CRB1: variants seen among roughly 807,000 people sequenced by gnomAD.
The protein encoded by CRB1 is protein crumbs homolog 1.
Under a neutral mutation model 120.0 loss-of-function variants are expected in CRB1, and 83 were observed. That is an observed-to-expected ratio of 0.69 (90% CI 0.58 to 0.83). The LOEUF (loss-of-function observed/expected upper bound fraction) is 0.83. Ranked by LOEUF, CRB1 falls within the 40% of genes least tolerant of loss-of-function variation. The pLI is 0.00. For missense variants in CRB1, 1,699 were observed against 1,687.6 expected (o/e 1.01, Z -0.12); for synonymous variants, 625 against 612.5 (o/e 1.02, Z -0.30).
chr1:197,331,753 G>A (rs1256428549), intron 2 of CRB1, among the ~76,000 whole-genome samples: 1 of 152,082 alleles, frequency 6.6e-6, no homozygotes, highest in Non-Finnish European at 1.5e-5. Context: ...ATAGTATTGT[G>A]TAATAGTCTT....
chr1:197,395,743 A>G (rs1182368901), intron 5 of CRB1, among the ~76,000 whole-genome samples: 3 of 152,152 alleles, frequency 2.0e-5, no homozygotes, highest in South Asian at 2.1e-4. Context: ...CAAAGAAGGA[A>G]ATCTATGTGA....
rs368505836 is a variant in CRB1 at position 197,408,756 on chromosome 1, C to T, written c.1172-12244C>T. Among the ~76,000 whole-genome samples the T allele has an allele frequency of 1.6e-4, 24 of 152,314 alleles. 1 individual carries two copies. The East Asian group carries it at 3.3e-3, about 21-fold the overall frequency. ...GGACCAAGCAAGAGCAGAGCCCTTT[C>T]TGATGATTTACTGATCAAAGCCAAT... On this transcript the variant is annotated intron_variant, in intron 5 of 11. Transcript: ENST00000367400.
At chr1:197,321,084 A>G (rs879317225) in intron 1 of CRB1, among the ~76,000 whole-genome samples, 3 of 152,186 alleles carry the variant, frequency 2.0e-5, no homozygotes, top group Admixed American at 1.3e-4. Context: ...TTCATTACGT[A>G]ATCACTTGCC....
At chr1:197,252,572 A>ATGTGTGTG in the CRB1 span, among the ~76,000 whole-genome samples, 3 of 48,600 alleles carry the variant, frequency 6.2e-5, no homozygotes, top group African/African-American at 1.9e-4. Flanking sequence ...ATATATATAT[A>ATGTGTGTG]TATATATATA....
chr1:197,304,376 A>G (rs866610493), intron 1 of CRB1: 2 of 980,490 alleles, frequency 2.0e-6, no homozygotes, highest in African/African-American at 3.5e-5. Flanking sequence ...TCTAGGGAGG[A>G]CACATCTATG....
the CRB1 span, among the ~76,000 whole-genome samples, chr1:197,249,423 G>C: frequency 6.6e-6 from 1 of 151,852 alleles, no homozygotes; most frequent in Non-Finnish European, 1.5e-5. Context: ...GCAGGCTCTT[G>C]GACATTTCTG....
At chr1:197,403,556 C>A (rs1349288310) in intron 5 of CRB1, among the ~76,000 whole-genome samples, 1 of 152,024 alleles carries the variant, frequency 6.6e-6, no homozygotes, top group African/African-American at 2.4e-5. Context: ...AAACTTTGAC[C>A]AGTGAAGTGA....
chr1:197,208,245 G>C, the CRB1 span, among the ~76,000 whole-genome samples: 1 of 151,906 alleles, frequency 6.6e-6, no homozygotes, highest in Non-Finnish European at 1.5e-5. Context: ...TTCTTGGTTT[G>C]GATCCATTGA....
At chr1:197,358,987 T>C (rs1283338813) in intron 5 of CRB1, among the ~76,000 whole-genome samples, 2 of 152,240 alleles carry the variant, frequency 1.3e-5, no homozygotes, top group African/African-American at 4.8e-5. Flanking sequence ...TCCTGCCTAC[T>C]ATGTCACATA....
At chr1:197,326,547 C>A (rs940290589) in intron 1 of CRB1, among the ~76,000 whole-genome samples, 10 of 152,100 alleles carry the variant, frequency 6.6e-5, no homozygotes, top group African/African-American at 2.4e-4. Context: ...AGGAGAATCA[C>A]TTGAGCCTGG....
At chr1:197,456,034 A>T (rs1022000537) in intron 11 of CRB1, among the ~76,000 whole-genome samples, 9 of 152,156 alleles carry the variant, frequency 5.9e-5, no homozygotes, top group Non-Finnish European at 1.3e-4. Flanking sequence ...ATGTATTTTA[A>T]TTTAGTTTCA....
chr1:197,230,986 G>A, the CRB1 span, among the ~76,000 whole-genome samples: 1 of 152,074 alleles, frequency 6.6e-6, no homozygotes, highest in Non-Finnish European at 1.5e-5. Flanking sequence ...TCAAATATAA[G>A]GCACAGTGTT....
At chr1:197,374,267 C>T (rs962714206) in intron 5 of CRB1, among the ~76,000 whole-genome samples, 1 of 152,076 alleles carries the variant, frequency 6.6e-6, no homozygotes, top group African/African-American at 2.4e-5. Context: ...ACCATACTAT[C>T]CCCCAGTTGG....
chr1:197,390,182 G>C (rs188998971), intron 5 of CRB1, among the ~76,000 whole-genome samples: 1 of 151,244 alleles, frequency 6.6e-6, no homozygotes, highest in Non-Finnish European at 1.5e-5. Context: ...TGTTTGTGTG[G>C]GGGGGAGGGG....
At chr1:197,235,723 T>C in the CRB1 span, among the ~76,000 whole-genome samples, 1 of 152,206 alleles carries the variant, frequency 6.6e-6, no homozygotes. Context: ...ACCTAAGTTT[T>C]AGAGTGGTTT....
At chr1:197,475,807 T>C (rs1667171063) in intron 11 of CRB1, among the ~76,000 whole-genome samples, 1 of 152,182 alleles carries the variant, frequency 6.6e-6, no homozygotes, top group African/African-American at 2.4e-5. Flanking sequence ...TCACCAACTC[T>C]TTTCACCCTT....
At chr1:197,338,723 G>A (rs1462902544) in intron 2 of CRB1, among the ~76,000 whole-genome samples, 1 of 151,816 alleles carries the variant, frequency 6.6e-6, no homozygotes, top group Admixed American at 6.6e-5. Context: ...AAACAAAAAG[G>A]ATTATAATAG....
the CRB1 span, among the ~76,000 whole-genome samples, chr1:197,211,517 C>T: frequency 6.6e-6 from 1 of 152,146 alleles, no homozygotes; most frequent in Non-Finnish European, 1.5e-5. Context: ...GGTGAATACA[C>T]CACATGAATA....
chr1:197,393,687 C>T (rs993880385), intron 5 of CRB1, among the ~76,000 whole-genome samples: 2 of 152,072 alleles, frequency 1.3e-5, no homozygotes, highest in African/African-American at 4.8e-5. Flanking sequence ...ATAGACCATG[C>T]TTCACCCGAT....
Sources: gnomAD v4.1 joint callset for allele counts (sites outside exome capture counted in the v4.1 genomes callset) on GRCh38, gnomAD v4.1.1 for gene constraint, MANE v1.5 for transcripts, NCBI Gene and HGNC (gene_info 2026-07-23, HGNC 2026-07-21) for gene names.